The following MAGI2 variants were observed in gnomAD, a reference collection of about 807,000 sequenced individuals.
The protein encoded by MAGI2 is membrane associated guanylate kinase, WW and PDZ domain containing 2.
MAGI2 carries 35 observed loss-of-function variants against 133.3 expected under a neutral mutation model. The ratio of observed to expected loss-of-function variants is 0.26; its 90% CI spans 0.20 to 0.35. The LOEUF is 0.35. Among genes scored for constraint, MAGI2 ranks in the 10% least tolerant of loss-of-function variants. The probability of loss-of-function intolerance (pLI) is 1.00; values close to 1 mark genes in which losing one functional copy is unlikely to be tolerated. For synonymous variants in MAGI2, 729 were observed against 710.6 expected (o/e 1.03, Z -0.41); for missense variants, 1,636 against 1,863.4 (o/e 0.88, Z 2.25).
At chr7:79,136,028 G>GAAGGAAA (rs1821448277) in intron 1 of MAGI2, among the ~76,000 whole-genome samples, 2 of 51,662 alleles carry the variant, frequency 3.9e-5, no homozygotes, top group Admixed American at 2.0e-4. Context: ...AAAGAAAGAA[G>GAAGGAAA]GAAAGAAAGA....
At chr7:79,298,397 TG>T (rs1235470000) in intron 1 of MAGI2, among the ~76,000 whole-genome samples, 1 of 152,106 alleles carries the variant, frequency 6.6e-6, no homozygotes, top group Non-Finnish European at 1.5e-5. Flanking sequence ...GTTCCTAACT[TG>T]GGGAGCTAAG....
chr7:79,209,546 C>G (rs1829327832), intron 1 of MAGI2, among the ~76,000 whole-genome samples: 1 of 151,918 alleles, frequency 6.6e-6, no homozygotes, highest in African/African-American at 2.4e-5. Flanking sequence ...CTAAAAGCAC[C>G]ACCATATCCC....
At chr7:79,146,850 T>C (rs1822687572) in intron 1 of MAGI2, among the ~76,000 whole-genome samples, 2 of 152,250 alleles carry the variant, frequency 1.3e-5, no homozygotes, top group African/African-American at 4.8e-5. Flanking sequence ...TTCCATCTAA[T>C]AGGGGAATTT....
At chr7:78,038,748 A>G (rs1190180121) in intron 21 of MAGI2, among the ~76,000 whole-genome samples, 1 of 152,262 alleles carries the variant, frequency 6.6e-6, no homozygotes, top group African/African-American at 2.4e-5. Context: ...GAAGAGCTTC[A>G]ACCAGGACAC....
chr7:78,249,590 A>T lies in MAGI2; in HGVS notation c.2047+6353T>A, dbSNP rs151152899. ...GAATAAACCTGGAGGACATTACATT[A>T]AGTATGCCAGGCCCAGAAAGACAAA... On this transcript the variant is annotated intron_variant, in intron 10 of 21. Coordinates refer to ENST00000354212, the MANE Select transcript of MAGI2 (RefSeq NM_012301.4). Among the ~76,000 whole-genome samples, 21 of 152,258 alleles carry T rather than the reference A, an allele frequency of 1.4e-4. No homozygotes were observed. The South Asian group carries it at 2.5e-3, about 18-fold the overall frequency.
intron 1 of MAGI2, among the ~76,000 whole-genome samples, chr7:79,120,160 A>G (rs958207187): frequency 2.0e-5 from 3 of 152,056 alleles, no homozygotes; most frequent in African/African-American, 4.8e-5. Flanking sequence ...ATTCCTCACA[A>G]AGTAGTCTGA....
intron 20 of MAGI2, among the ~76,000 whole-genome samples, chr7:78,108,801 A>G (rs533224293): frequency 6.6e-6 from 1 of 152,080 alleles, no homozygotes; most frequent in East Asian, 1.9e-4. Flanking sequence ...CACAATATAT[A>G]CTCAAAAGGA....
chr7:78,706,554 C>T (rs938583670), intron 2 of MAGI2, among the ~76,000 whole-genome samples: 7 of 152,190 alleles, frequency 4.6e-5, no homozygotes, highest in South Asian at 2.1e-4. Context: ...ACACACAAAA[C>T]CAATATATTT....
chr7:78,896,026 C>CT (rs1209487905), intron 2 of MAGI2, among the ~76,000 whole-genome samples: 1 of 151,868 alleles, frequency 6.6e-6, no homozygotes, highest in Non-Finnish European at 1.5e-5. Flanking sequence ...AAGAATGATT[C>CT]TTTTTTCAAA....
intron 2 of MAGI2, among the ~76,000 whole-genome samples, chr7:78,790,438 T>C (rs141037203): frequency 1.1e-3 from 163 of 152,244 alleles, no homozygotes; most frequent in Middle Eastern, 3.4e-3. Flanking sequence ...GGAGTTCAGA[T>C]TTTTTGGTTT....
intron 1 of MAGI2, among the ~76,000 whole-genome samples, chr7:79,171,770 ATT>A (rs144599296): frequency 0.033 from 1,020 of 31,160 alleles, 24 homozygotes; most frequent in African/African-American, 0.057. Context: ...ATATATATAT[ATT>A]TTTTTTTTTT....
chr7:78,665,473 C>T (rs1161395496), intron 2 of MAGI2, among the ~76,000 whole-genome samples: 2 of 152,102 alleles, frequency 1.3e-5, no homozygotes, highest in South Asian at 2.1e-4. Context: ...TTTGCCTGAT[C>T]GCACATTGTA....
intron 2 of MAGI2, among the ~76,000 whole-genome samples, chr7:78,787,197 T>A (rs1282651370): frequency 6.6e-6 from 1 of 152,056 alleles, no homozygotes; most frequent in Non-Finnish European, 1.5e-5. Context: ...CTGCCCGCCT[T>A]GGCCTCCCAA....
At chr7:78,824,406 A>G (rs567797336) in intron 2 of MAGI2, among the ~76,000 whole-genome samples, 65 of 152,240 alleles carry the variant, frequency 4.3e-4, no homozygotes, top group Non-Finnish European at 7.6e-4. Flanking sequence ...GTGTAAAAGG[A>G]TTCCCATTTC....
chr7:79,244,238 A>G (rs769509198), intron 1 of MAGI2, among the ~76,000 whole-genome samples: 29 of 152,226 alleles, frequency 1.9e-4, no homozygotes, highest in South Asian at 4.1e-4. Flanking sequence ...TCCTCCTCAC[A>G]GGAACACCAA....
intron 2 of MAGI2, among the ~76,000 whole-genome samples, chr7:78,970,508 A>T (rs1025468512): frequency 1.3e-5 from 2 of 152,104 alleles, no homozygotes; most frequent in Non-Finnish European, 2.9e-5. Context: ...ATAAATTCCT[A>T]TATGATAGTT....
rs576332326 is a variant in MAGI2, at chr7:79,048,771, C to T, written c.302-41565G>A. The stretch of plus-strand genomic sequence containing the variant: ...GGCCGATCACTTGAGGTCGGGAGTT[C>T]GAGACCAGCCTGGCCAACAGTGTGA... On this transcript the variant is annotated intron_variant, in intron 1 of 21. Coordinates refer to ENST00000354212, the MANE Select transcript of MAGI2 (RefSeq NM_012301.4). Among the ~76,000 whole-genome samples the T allele has an allele frequency of 5.3e-5, 8 of 152,050 alleles. No homozygotes were observed. The South Asian group carries it at 8.3e-4, about 16-fold the overall frequency.
intron 10 of MAGI2, among the ~76,000 whole-genome samples, chr7:78,210,648 G>A (rs1412751445): frequency 1.3e-5 from 2 of 152,178 alleles, no homozygotes; most frequent in Non-Finnish European, 2.9e-5. Flanking sequence ...GTGGTGCTCA[G>A]AGATATGTGT....
At chr7:78,114,441 T>C (rs1405506866) in intron 20 of MAGI2, among the ~76,000 whole-genome samples, 1 of 152,230 alleles carries the variant, frequency 6.6e-6, no homozygotes, top group African/African-American at 2.4e-5. Context: ...CAATGCTTTG[T>C]TTCTCTGAAC....
Sources: gnomAD v4.1 joint callset for allele counts (sites outside exome capture counted in the v4.1 genomes callset) on GRCh38, gnomAD v4.1.1 for gene constraint, MANE v1.5 for transcripts, NCBI Gene and HGNC (gene_info 2026-07-23, HGNC 2026-07-21) for gene names.